GTF2H3: variants seen among roughly 807,000 people sequenced by gnomAD.
The protein encoded by GTF2H3 is TFIIH basal transcription factor complex p34 subunit.
In GTF2H3, 42 loss-of-function variants were observed where a neutral mutation model predicts 51.1. That is an observed-to-expected ratio of 0.82 (90% CI 0.64 to 1.06). The LOEUF (loss-of-function observed/expected upper bound fraction) is 1.06, where lower values mean the gene tolerates loss of function less well. Ranked by LOEUF, GTF2H3 falls within the 50% of genes least tolerant of loss-of-function variation. The pLI is 0.00. For synonymous variants in GTF2H3, 123 were observed against 123.8 expected, an observed-to-expected ratio of 0.99 and a Z score of 0.04; for missense variants, 326 against 366.1, an observed-to-expected ratio of 0.89 and a Z score of 0.89.
chr12:123,648,736 A>G (rs368809371), intron 4 of GTF2H3, among the ~76,000 whole-genome samples: 54 of 152,338 alleles, frequency 3.5e-4, no homozygotes, highest in African/African-American at 1.2e-3. Context: ...CACATCCGAC[A>G]TCTAATCAGC....
At chr12:123,645,414 A>T (rs1317347916) in intron 2 of GTF2H3, 41 bp from the exon 3 acceptor site, 1 of 1,019,006 alleles carries the variant, frequency 9.8e-7, no homozygotes, top group African/African-American at 1.6e-5. Flanking sequence ...GGTTATTTGG[A>T]TAGCTAATTT....
chr12:123,638,201 C>T (rs1311462882), intron 1 of GTF2H3, among the ~76,000 whole-genome samples: 1 of 151,820 alleles, frequency 6.6e-6, no homozygotes, highest in Non-Finnish European at 1.5e-5. Context: ...CTCTGTTACC[C>T]AGGCTGGAGT....
In GTF2H3 at chr12:123,633,872, G is replaced by A; in HGVS notation, c.13G>A (p.Glu5Lys). 2 of 1,613,492 alleles carry A rather than the reference G, an allele frequency of 1.2e-6. No homozygotes were observed. Among genetic ancestry groups the A allele is most frequent in the Non-Finnish European group, 8.5e-7 (1 of 1,179,994 alleles). MVSD[E>K]DELNLLVIVV... ...TGCTGGGACAGCCATGGTTTCAGAC[G>A]GTGAGGACCCTGCAGGGCGGGACTT... The change falls in exon 1 of 13, where the codon GAA (glutamate) becomes AAA (lysine). Residue 5 changes from glutamate to lysine, a missense_variant and splice_region_variant. Transcript: ENST00000543341.
chr12:123,634,040 C>T (rs1955234605), intron 1 of GTF2H3, among the ~76,000 whole-genome samples, 168 bp downstream of exon 1: 1 of 152,168 alleles, frequency 6.6e-6, no homozygotes, highest in African/African-American at 2.4e-5. Flanking sequence ...TGGATCGCCT[C>T]CTGTGTACAG....
At chr12:123,634,698 G>A (rs1336512201) in intron 1 of GTF2H3, among the ~76,000 whole-genome samples, 1 of 152,150 alleles carries the variant, frequency 6.6e-6, no homozygotes, top group Non-Finnish European at 1.5e-5. Flanking sequence ...GAAATGGAGA[G>A]CTTGCGGGTA....
At position 123,645,497 on chromosome 12, in the gene GTF2H3, AATTCGCATTT is replaced by A; in HGVS notation, c.141_150del (p.His48Ter). 6.2e-7 allele frequency: 1 copy of A among 1,610,428 alleles called. No homozygotes were observed. ...CATAGATGCCGTGATGGTGCTGGGA[AATTCGCATTT>A]ATTCATGAATCGTTCCAACAAACTT... On this transcript the variant is annotated frameshift_variant, in exon 3 of 13. Transcript: ENST00000543341. LOFTEE classifies it high-confidence loss of function.
At position 123,661,683 on chromosome 12, in the gene GTF2H3, C is replaced by T. The variant is rs537062245; in HGVS notation, c.*1448C>T. The stretch of plus-strand genomic sequence containing the variant: ...GGCACGTTGGCTCACGCCTGTAATC[C>T]CAGCACTTTGGGAGGCCAAGGTGGG... On this transcript the variant is annotated 3_prime_UTR_variant, in exon 13 of 13. Coordinates refer to ENST00000543341, the MANE Select transcript of GTF2H3 (RefSeq NM_001516.5). 3 of 151,770 alleles carry T rather than the reference C, an allele frequency of 2.0e-5. No individual in the cohort carries two copies. Among genetic ancestry groups the T allele is most frequent in the African/African-American group, 7.3e-5 (3 of 41,044 alleles). 9.4% of individuals were successfully genotyped at this position (151,770 alleles called of 1,614,324 possible).
At chr12:123,658,343 A>T (rs969492905) in intron 9 of GTF2H3, among the ~76,000 whole-genome samples, 1 of 152,052 alleles carries the variant, frequency 6.6e-6, no homozygotes, top group African/African-American at 2.4e-5. Flanking sequence ...TCAGCCTCCC[A>T]AGCGGCTGGG....
intron 3 of GTF2H3, 43 bp from the exon 4 acceptor site, chr12:123,647,920 G>A (rs1414364875): frequency 4.0e-6 from 6 of 1,492,914 alleles, no homozygotes; most frequent in African/African-American, 1.4e-5. Flanking sequence ...GAGCCTGGGC[G>A]GTGAGGCCTG....
At chr12:123,655,611 T>C in intron 8 of GTF2H3, 160 bp from the exon 9 acceptor site, 3 of 563,976 alleles carry the variant, frequency 5.3e-6, no homozygotes. Context: ...AGCCATGTCC[T>C]GGGTGCTTCA....
chr12:123,645,081 G>GT (rs2135785587), intron 2 of GTF2H3, among the ~76,000 whole-genome samples: 1 of 151,842 alleles, frequency 6.6e-6, no homozygotes, highest in East Asian at 1.9e-4. Flanking sequence ...TCTTTTTTTT[G>GT]TTTGTTTGTT....
chr12:123,641,917 G>A (rs1304887600), intron 2 of GTF2H3, among the ~76,000 whole-genome samples: 1 of 152,012 alleles, frequency 6.6e-6, no homozygotes, highest in African/African-American at 2.4e-5. Context: ...GCAATGGCAC[G>A]ATCTCGGCTC....
In GTF2H3 at chr12:123,658,826, A is replaced by G. The variant is rs11572999; in HGVS notation, c.616-690A>G. ...AAATGATGTATCTGATAAAGGGACT[A>G]GTATTCTGATTATATAAAGAACTCT... On this transcript the variant is annotated intron_variant, in intron 9 of 12. Transcript: ENST00000543341. Among the ~76,000 whole-genome samples the G allele has an allele frequency of 2.9e-3, 436 of 152,364 alleles. 1 individual carries two copies. Among genetic ancestry groups the G allele is most frequent in the African/African-American group, 1.0e-2 (415 of 41,586 alleles).
chr12:123,633,972 C>A, intron 1 of GTF2H3, 100 bp downstream of exon 1: 1 of 1,333,236 alleles, frequency 7.5e-7, no homozygotes, highest in Non-Finnish European at 1.1e-6. Flanking sequence ...TGGATAGAAT[C>A]CGTTTGGTCT....
intron 4 of GTF2H3, 106 bp from the exon 5 acceptor site, chr12:123,650,888 A>G: frequency 1.4e-6 from 1 of 694,050 alleles, no homozygotes; most frequent in Non-Finnish European, 2.6e-6. Flanking sequence ...TTCATTTATG[A>G]AGAATGCTTT....
At chr12:123,655,909 G>C (rs1220029015) in intron 9 of GTF2H3, 85 bp downstream of exon 9, 3 of 805,198 alleles carry the variant, frequency 3.7e-6, no homozygotes, top group Admixed American at 4.4e-5. Flanking sequence ...GAAAGCTTTG[G>C]GTATATTGGG....
intron 7 of GTF2H3, among the ~76,000 whole-genome samples, chr12:123,654,061 G>T (rs147880980): frequency 3.0e-4 from 46 of 152,246 alleles, no homozygotes; most frequent in African/African-American, 1.0e-3. Flanking sequence ...AAAGCAGGTT[G>T]CAGAATGCTA....
intron 9 of GTF2H3, among the ~76,000 whole-genome samples, chr12:123,656,510 A>G (rs11572988): frequency 1.4e-3 from 206 of 152,020 alleles, no homozygotes; most frequent in Non-Finnish European, 2.3e-3. Flanking sequence ...CCTCACATTC[A>G]TTTTTCTAGT....
chr12:123,639,401 C>CT (rs1955335460), intron 2 of GTF2H3, 58 bp downstream of exon 2: 5 of 820,616 alleles, frequency 6.1e-6, no homozygotes, highest in South Asian at 1.5e-5. Context: ...GTTTATATTG[C>CT]TTTTTTAAAA....
Sources: gnomAD v4.1 joint callset for allele counts (sites outside exome capture counted in the v4.1 genomes callset) on GRCh38, gnomAD v4.1.1 for gene constraint, MANE v1.5 for transcripts, NCBI Gene and HGNC (gene_info 2026-07-23, HGNC 2026-07-21) for gene names.